SPINK6: variants seen among roughly 807,000 people sequenced by gnomAD.
The protein encoded by SPINK6 is serine peptidase inhibitor Kazal type 6, also known as serine protease inhibitor Kazal-type 6.
A neutral mutation model predicts 11.7 loss-of-function variants in SPINK6; 13 were observed. That is an observed-to-expected ratio of 1.11 (90% CI 0.72 to 1.76). The LOEUF (loss-of-function observed/expected upper bound fraction) is 1.76. SPINK6 is among the 40% of genes most tolerant of loss of function. The pLI is 0.00. For synonymous variants in SPINK6, 21 were observed against 31.9 expected (o/e 0.66, Z 1.15); for missense variants, 98 against 93.7 (o/e 1.05, Z -0.19).
At chr5:148,207,992 T>C (rs973701693) in intron 2 of SPINK6, among the ~76,000 whole-genome samples, 5 of 152,106 alleles carry the variant, frequency 3.3e-5, no homozygotes, top group Non-Finnish European at 5.9e-5. Flanking sequence ...ATTATCCAGA[T>C]GACATTTATA....
intron 1 of SPINK6, among the ~76,000 whole-genome samples, chr5:148,205,316 G>A (rs772345447): frequency 2.7e-4 from 41 of 152,122 alleles, no homozygotes; most frequent in Non-Finnish European, 5.6e-4. Flanking sequence ...CCCATTCCAA[G>A]ACTGGATTGA....
At chr5:148,209,963 C>CATTCACACGTACGTATGTATGT (rs1755549660) in intron 2 of SPINK6, among the ~76,000 whole-genome samples, 1 of 149,182 alleles carries the variant, frequency 6.7e-6, no homozygotes. Context: ...TATATGTATA[C>CATTCACACGTACGTATGTATGT]ATACATACGT....
At chr5:148,202,802 A>G (rs1755448685), upstream of SPINK6, 2 of 287,034 alleles carry the variant, frequency 7.0e-6, no homozygotes, top group East Asian at 1.3e-4. Flanking sequence ...ATGTAGTGAA[A>G]CTTTAGAAAG....
chr5:148,203,309 G>A (rs1344966932), intron 1 of SPINK6, among the ~76,000 whole-genome samples, 155 bp downstream of exon 1: 5 of 152,010 alleles, frequency 3.3e-5, no homozygotes, highest in African/African-American at 1.2e-4. Context: ...GACGACAATG[G>A]TTATGGTAAT....
chr5:148,212,567 AT>A, intron 2 of SPINK6, among the ~76,000 whole-genome samples: 1 of 86,150 alleles, frequency 1.2e-5, no homozygotes, highest in African/African-American at 4.1e-5. Context: ...TATATAATAT[AT>A]ATTATATATT....
At chr5:148,209,995 C>CGTACGTATGTATGTATACATACAT (rs1195584567) in intron 2 of SPINK6, among the ~76,000 whole-genome samples, 1 of 117,416 alleles carries the variant, frequency 8.5e-6, no homozygotes, top group Non-Finnish European at 1.5e-5. Context: ...TATACATATA[C>CGTACGTATGTATGTATACATACAT]ACGTATGTAT....
rs757491800 is a variant in SPINK6, at chr5:148,213,955, G to T, written c.127G>T (p.Glu43Ter). The change falls in exon 3 of 4, where the codon GAA becomes TAA. Residue 43 changes from glutamate to a stop codon, truncating the protein, a stop_gained. Transcript: ENST00000325630. LOFTEE classifies it high-confidence loss of function. ...FQDPKVYCTR[E>*]SNPHCGSDGQ... Reference sequence around the variant, plus strand: ...GGACCCCAAGGTCTACTGCACTCGGGAATCTAACCCACACTGTGGCTCTGA... The same window carrying T: ...GGACCCCAAGGTCTACTGCACTCGGTAATCTAACCCACACTGTGGCTCTGA... 3.1e-6 allele frequency: 5 copies of T among 1,613,850 alleles called. No homozygotes were observed. In the Admixed American group the frequency reaches 8.3e-5, roughly 27 times the overall value.
rs552721861 is a variant in SPINK6 at position 148,210,013 on chromosome 5, T to C, written c.82-3897T>C. On this transcript the variant is annotated intron_variant, in intron 2 of 3. Transcript: ENST00000325630. ...ACATATACACGTATGTATACATGTA[T>C]GTACGCATGTACGCATGCACAAACG... Among the ~76,000 whole-genome samples, 220 of 143,672 alleles carry C rather than the reference T, an allele frequency of 1.5e-3. 19 individuals carry two copies. The highest frequency in any genetic ancestry group is 3.5e-3 in the Middle Eastern group (1 of 284). The allele number at this position is 143,672 out of a possible 152,430, so 94.3% of individuals were successfully genotyped here. A position where few individuals can be genotyped will look rare whatever the true frequency, so the allele number is the denominator to read the frequency against.
At chr5:148,208,851 T>C (rs988752635) in intron 2 of SPINK6, among the ~76,000 whole-genome samples, 10 of 152,218 alleles carry the variant, frequency 6.6e-5, no homozygotes, top group Non-Finnish European at 1.2e-4. Context: ...ATTTTGCTTT[T>C]TGAATCACTT....
chr5:148,210,142 ATATGTATGTATTTCTG>A lies in SPINK6; in HGVS notation c.82-3767_82-3752del, dbSNP rs1440565310. 1.6e-3 allele frequency among the ~76,000 whole-genome samples: 244 copies of A among 148,210 alleles called. 16 individuals are homozygous for A. The East Asian group carries it at 0.042, about 26-fold the overall frequency. On this transcript the variant is annotated intron_variant, in intron 2 of 3. Coordinates refer to ENST00000325630, the MANE Select transcript of SPINK6 (RefSeq NM_205841.4). ...TATGTTTACATTTATTTCTGCATAC[ATATGTATGTATTTCTG>A]CATGCATATGTATTTCTGCATGCAT...
intron 2 of SPINK6, among the ~76,000 whole-genome samples, chr5:148,208,152 G>C (rs1043002029): frequency 4.6e-5 from 7 of 152,076 alleles, no homozygotes; most frequent in African/African-American, 1.7e-4. Context: ...CCTTCTCATT[G>C]CCTTTGTTTC....
chr5:148,212,496 A>AAAG (rs1755612260), intron 2 of SPINK6, among the ~76,000 whole-genome samples: 3 of 130,072 alleles, frequency 2.3e-5, no homozygotes, highest in Admixed American at 9.0e-5. Flanking sequence ...ATATATATAT[A>AAAG]TAAAGTATAT....
At position 148,206,148 on chromosome 5, in the gene SPINK6, G is replaced by A. The variant is rs78775046; in HGVS notation, c.81+90G>A. 4,127 of 1,407,470 alleles carry A rather than the reference G, an allele frequency of 2.9e-3. 102 individuals are homozygous for A. In the African/African-American group the frequency reaches 0.051, roughly 17 times the overall value. The allele number at this position is 1,407,470 out of a possible 1,614,324, so 87.2% of individuals were successfully genotyped here. A position where few individuals can be genotyped will look rare whatever the true frequency, so the allele number is the denominator to read the frequency against. ...AAAAGAAATTTGTCTATGGTTAACA[G>A]AGCAAAAACAATGAGCAGGCAAACC... On this transcript the variant is annotated intron_variant, in intron 2 of 3. Transcript: ENST00000325630.
At chr5:148,210,626 T>C (rs1259575394) in intron 2 of SPINK6, among the ~76,000 whole-genome samples, 1 of 151,676 alleles carries the variant, frequency 6.6e-6, no homozygotes, top group Admixed American at 6.6e-5. Context: ...TATTAAACTA[T>C]CTAGGAAATG....
At chr5:148,208,100 C>A (rs1195200033) in intron 2 of SPINK6, among the ~76,000 whole-genome samples, 1 of 152,154 alleles carries the variant, frequency 6.6e-6, no homozygotes, top group African/African-American at 2.4e-5. Flanking sequence ...GTGGAGTCCT[C>A]ATTCATACTT....
Position 148,214,896 on chromosome 5 carries a change from T to C in SPINK6, c.198-9T>C. On this transcript the variant is annotated splice_polypyrimidine_tract_variant and intron_variant, in intron 3 of 3. Coordinates refer to ENST00000325630, the MANE Select transcript of SPINK6 (RefSeq NM_205841.4). ...GCACTGAGTATATATTTGTCTTTCT[T>C]TTTTGTAGGAAAAGTGGTGGAAAGA... 6.2e-7 allele frequency: 1 copy of C among 1,613,198 alleles called. No homozygotes were observed. Among genetic ancestry groups the C allele is most frequent in the Non-Finnish European group, 8.5e-7 (1 of 1,179,352 alleles).
chr5:148,208,250 C>A (rs1755525437), intron 2 of SPINK6, among the ~76,000 whole-genome samples: 1 of 152,202 alleles, frequency 6.6e-6, no homozygotes, highest in East Asian at 1.9e-4. Flanking sequence ...CCAAGCCTGT[C>A]CTGCCAAGGC....
At chr5:148,203,021 G>A (rs1755452819), upstream of SPINK6, 1 of 1,242,040 alleles carries the variant, frequency 8.1e-7, no homozygotes, top group Non-Finnish European at 1.1e-6. Context: ...TGTATTTTAG[G>A]GCTTTCTGGG....
In SPINK6 at chr5:148,214,888, G is replaced by A. The variant is rs771582441; in HGVS notation, c.198-17G>A. On this transcript the variant is annotated splice_polypyrimidine_tract_variant and intron_variant, in intron 3 of 3. Coordinates refer to ENST00000325630, the MANE Select transcript of SPINK6 (RefSeq NM_205841.4). ...ACGATATTGCACTGAGTATATATTTGTCTTTCTTTTTTGTAGGAAAAGTGG... is the reference window on the plus strand; with the variant it reads ...ACGATATTGCACTGAGTATATATTTATCTTTCTTTTTTGTAGGAAAAGTGG... The A allele has an allele frequency of 1.2e-6, 2 of 1,610,618 alleles. No individual in the cohort carries two copies. Among genetic ancestry groups the A allele is most frequent in the Non-Finnish European group, 8.5e-7 (1 of 1,177,342 alleles).
Sources: gnomAD v4.1 joint callset for allele counts (sites outside exome capture counted in the v4.1 genomes callset) on GRCh38, gnomAD v4.1.1 for gene constraint, MANE v1.5 for transcripts, NCBI Gene and HGNC (gene_info 2026-07-23, HGNC 2026-07-21) for gene names.